The following LGR6 variants were observed in gnomAD, a reference collection of about 807,000 sequenced individuals.
The protein encoded by LGR6 is leucine-rich repeat-containing G protein-coupled receptor 6.
LGR6 carries 45 observed loss-of-function variants against 69.4 expected under a neutral mutation model. That is an observed-to-expected ratio of 0.65 (90% confidence interval 0.51 to 0.83). The LOEUF (loss-of-function observed/expected upper bound fraction) is 0.83. Among genes scored for constraint, LGR6 ranks in the 40% least tolerant of loss-of-function variants. The probability of loss-of-function intolerance (pLI) is 0.00; values close to 1 mark genes in which losing one functional copy is unlikely to be tolerated. For missense variants in LGR6, 1,108 were observed against 1,246.7 expected (o/e 0.89, Z 1.68); for synonymous variants, 538 against 555.0 (o/e 0.97, Z 0.43).
chr1:202,238,873 A>C (rs75931836), intron 4 of LGR6, among the ~76,000 whole-genome samples: 10 of 152,134 alleles, frequency 6.6e-5, no homozygotes, highest in Non-Finnish European at 1.3e-4. Flanking sequence ...TTAAGAAGGA[A>C]CCTGAAAGGT....
intron 10 of LGR6, 89 bp from the exon 11 acceptor site, chr1:202,304,470 G>A (rs531042539): frequency 1.9e-5 from 17 of 877,238 alleles, no homozygotes; most frequent in East Asian, 7.9e-5. Context: ...GTCATCCCAC[G>A]ACAGTATCAG....
Position 202,261,970 on chromosome 1 carries a change from A to G in LGR6, c.429-14336A>G, listed in dbSNP as rs1191265701. 2.9e-3 allele frequency among the ~76,000 whole-genome samples: 439 copies of G among 152,074 alleles called. 4 individuals are homozygous for G. The highest frequency in any genetic ancestry group is 0.01 in the African/African-American group (424 of 41,458). The stretch of plus-strand genomic sequence containing the variant: ...TGTAAATTTGTTTGAGTTCATTGTA[A>G]ATTCTGGATATTAGCCCTTTGTCAG... On this transcript the variant is annotated intron_variant, in intron 4 of 17. Coordinates refer to ENST00000367278, the MANE Select transcript of LGR6 (RefSeq NM_001017403.2).
chr1:202,304,202 C>A (rs1019305066), intron 10 of LGR6, among the ~76,000 whole-genome samples: 1 of 152,210 alleles, frequency 6.6e-6, no homozygotes, highest in African/African-American at 2.4e-5. Context: ...CCTCTAAGGT[C>A]CCTACAGCAG....
chr1:202,194,065 C>T lies in LGR6; in HGVS notation c.76C>T (p.Pro26Ser). ...LCASRRAGGA[P>S]QPGPGPTACP... ...CGCTTCCCGGAGGGCCGGCGGCGCC[C>T]CCCAGCCCGGCCCGGGGCCCACCGC... is the stretch of plus-strand genomic sequence containing the variant. Residue 26 changes from proline (P) to serine (S), a missense_variant, in exon 1 of 18, where the codon CCC (proline) becomes TCC (serine). Transcript: ENST00000367278. 7.0e-7 allele frequency: 1 copy of T among 1,438,592 alleles called. No individual in the cohort carries two copies. The allele number at this position is 1,438,592 out of a possible 1,614,324, so 89.1% of individuals were successfully genotyped here.
chr1:202,290,673 G>A (rs560123195), intron 6 of LGR6, among the ~76,000 whole-genome samples: 1 of 152,330 alleles, frequency 6.6e-6, no homozygotes, highest in East Asian at 1.9e-4. Context: ...AGGAGTTCAA[G>A]ACCAGCCTGA....
At chr1:202,261,473 C>T (rs1664229829) in intron 4 of LGR6, among the ~76,000 whole-genome samples, 1 of 152,056 alleles carries the variant, frequency 6.6e-6, no homozygotes, top group Admixed American at 6.5e-5. Flanking sequence ...TTTCTTAATC[C>T]AGTCTATCAT....
At chr1:202,195,656 C>T (rs961907507) in intron 1 of LGR6, among the ~76,000 whole-genome samples, 1 of 152,194 alleles carries the variant, frequency 6.6e-6, no homozygotes, top group African/African-American at 2.4e-5. Flanking sequence ...GCCCCTCTTT[C>T]AGCAGTTTTC....
chr1:202,281,094 A>G (rs1388928435), intron 6 of LGR6: 2 of 476,500 alleles, frequency 4.2e-6, no homozygotes, highest in Non-Finnish European at 7.4e-6. Flanking sequence ...CCCAGGGAGT[A>G]GGAACCTGGG....
chr1:202,220,964 G>A (rs1454817498), intron 1 of LGR6, among the ~76,000 whole-genome samples: 2 of 152,190 alleles, frequency 1.3e-5, no homozygotes, highest in Non-Finnish European at 2.9e-5. Flanking sequence ...AATGTATACA[G>A]AGATTAGATC....
intron 2 of LGR6, among the ~76,000 whole-genome samples, chr1:202,227,082 C>A (rs1013376120): frequency 1.3e-5 from 2 of 152,168 alleles, no homozygotes; most frequent in African/African-American, 4.8e-5. Flanking sequence ...AGAACCCAAG[C>A]TAGGAGACCT....
intron 6 of LGR6, among the ~76,000 whole-genome samples, chr1:202,296,582 A>G (rs1043195222): frequency 6.6e-6 from 1 of 152,200 alleles, no homozygotes; most frequent in African/African-American, 2.4e-5. Context: ...TGATGAAAAT[A>G]AAAGTTGCCC....
intron 1 of LGR6, among the ~76,000 whole-genome samples, chr1:202,222,303 G>T (rs1275098751): frequency 6.6e-6 from 1 of 152,196 alleles, no homozygotes; most frequent in Non-Finnish European, 1.5e-5. Context: ...CACTGCAGCT[G>T]GGCTTTGTGT....
At chr1:202,289,944 A>G (rs984328365) in intron 6 of LGR6, among the ~76,000 whole-genome samples, 13 of 152,260 alleles carry the variant, frequency 8.5e-5, no homozygotes, top group Non-Finnish European at 8.8e-5. Context: ...AGTAATAAAC[A>G]CAAATGTTAG....
chr1:202,197,483 T>C lies in LGR6; in HGVS notation c.212+3282T>C, dbSNP rs114884580. The C allele has an allele frequency of 7.4e-3, 3,966 of 533,036 alleles. 134 individuals are homozygous for C. Among genetic ancestry groups the C allele is most frequent in the African/African-American group, 0.07 (3,624 of 52,052 alleles). The allele number at this position is 533,036 out of a possible 1,614,324, so 33.0% of individuals were successfully genotyped here. On this transcript the variant is annotated intron_variant, in intron 1 of 17. Coordinates refer to ENST00000367278, the MANE Select transcript of LGR6 (RefSeq NM_001017403.2). ...GGCTCATTGACACTCACCGGGGTTT[T>C]GACATTCTCCCTGGTTAGGGCCTGT...
At chr1:202,199,664 C>A (rs988367951) in intron 1 of LGR6, among the ~76,000 whole-genome samples, 5 of 151,872 alleles carry the variant, frequency 3.3e-5, no homozygotes, top group African/African-American at 1.2e-4. Flanking sequence ...ACCCACGCCC[C>A]CCGGGGGAGA....
Position 202,228,312 on chromosome 1 carries a change from T to C in LGR6, c.356+305T>C, listed in dbSNP as rs1327280242. ...AGGTCTTTGTGGGACTGAGTTCAGT[T>C]ACAGACCCACAGGTCTCTCCCCATG... is the stretch of plus-strand genomic sequence containing the variant. On this transcript the variant is annotated intron_variant, in intron 3 of 17. Coordinates refer to ENST00000367278, the MANE Select transcript of LGR6 (RefSeq NM_001017403.2). Among the ~76,000 whole-genome samples, 3 of 152,230 alleles carry C rather than the reference T, an allele frequency of 2.0e-5. No individual in the cohort carries two copies. The South Asian group carries it at 6.2e-4, about 32-fold the overall frequency.
chr1:202,264,549 C>A (rs1229717835), intron 4 of LGR6, among the ~76,000 whole-genome samples: 2 of 152,196 alleles, frequency 1.3e-5, no homozygotes, highest in African/African-American at 4.8e-5. Context: ...TCGCCAGAAA[C>A]CAGCCTGATG....
chr1:202,239,813 C>A (rs560479324), intron 4 of LGR6, among the ~76,000 whole-genome samples: 1 of 152,282 alleles, frequency 6.6e-6, no homozygotes, highest in South Asian at 2.1e-4. Flanking sequence ...AGACTACTTA[C>A]CCTCTGCGTT....
At chr1:202,202,793 G>A (rs1175511144) in intron 1 of LGR6, among the ~76,000 whole-genome samples, 2 of 152,336 alleles carry the variant, frequency 1.3e-5, no homozygotes, top group Non-Finnish European at 2.9e-5. Flanking sequence ...GACCCAGAGG[G>A]TCGGTCCTAG....
Sources: allele counts gnomAD v4.1 joint callset (sites outside exome capture counted in the v4.1 genomes callset), GRCh38; gene constraint gnomAD v4.1.1; transcripts MANE v1.5; gene names NCBI Gene and HGNC (gene_info 2026-07-23, HGNC 2026-07-21).